The following VWA8 variants were observed in gnomAD, a reference collection of about 807,000 sequenced individuals.
The protein encoded by VWA8 is von Willebrand factor A domain containing 8.
In VWA8, 221 loss-of-function variants were observed where a neutral mutation model predicts 241.5. The ratio of observed to expected loss-of-function variants is 0.91; its 90% CI spans 0.82 to 1.02. The LOEUF (loss-of-function observed/expected upper bound fraction) is 1.02. Among genes scored for constraint, VWA8 ranks in the 50% least tolerant of loss-of-function variants. The pLI, the probability that VWA8 is intolerant of heterozygous loss-of-function variation, is 0.00. For missense variants in VWA8, 2,322 were observed against 2,328.7 expected, an observed-to-expected ratio of 1.00 and a Z score of 0.06; for synonymous variants, 852 against 827.1, an observed-to-expected ratio of 1.03 and a Z score of -0.52.
rs747772581 is a variant in VWA8, at chr13:41,570,254, ATAAT to A, written c.5609+210_5609+213del. Among the ~76,000 whole-genome samples, 132 of 152,340 alleles carry A rather than the reference ATAAT, an allele frequency of 8.7e-4. 1 individual carries two copies. Among genetic ancestry groups the A allele is most frequent in the Middle Eastern group, 3.4e-3 (1 of 294 alleles). On this transcript the variant is annotated intron_variant, in intron 44 of 44. Coordinates refer to ENST00000379310, the MANE Select transcript of VWA8 (RefSeq NM_015058.2). Reference sequence around the variant, plus strand: ...TAGTGGCTTAAATATAAACTAAAAAATAATTAATTTAAAATTATTATTGTTCATC... The same window carrying A: ...TAGTGGCTTAAATATAAACTAAAAAATAATTTAAAATTATTATTGTTCATC...
At chr13:41,774,686 T>A (rs946388517) in intron 20 of VWA8, among the ~76,000 whole-genome samples, 2 of 152,162 alleles carry the variant, frequency 1.3e-5, no homozygotes, top group African/African-American at 4.8e-5. Flanking sequence ...AAGCACTTTA[T>A]TAAAGAAGCA....
At chr13:41,606,258 G>A (rs2044553194) in intron 39 of VWA8, among the ~76,000 whole-genome samples, 1 of 152,018 alleles carries the variant, frequency 6.6e-6, no homozygotes, top group Non-Finnish European at 1.5e-5. Context: ...TATCTTTACA[G>A]TGCCTAGCAT....
intron 29 of VWA8, among the ~76,000 whole-genome samples, chr13:41,697,665 A>G (rs528289943): frequency 1.3e-5 from 2 of 152,304 alleles, no homozygotes; most frequent in South Asian, 4.1e-4. Flanking sequence ...ATGAAAATGT[A>G]ATGCTGTGGC....
At chr13:41,692,186 G>A (rs564279630) in intron 30 of VWA8, among the ~76,000 whole-genome samples, 76 of 151,830 alleles carry the variant, frequency 5.0e-4, no homozygotes, top group South Asian at 1.2e-3. Context: ...ACCAAACATT[G>A]TTAAGAAATA....
chr13:41,948,383 GAA>G (rs1877961866), intron 2 of VWA8, among the ~76,000 whole-genome samples: 2 of 152,224 alleles, frequency 1.3e-5, no homozygotes, highest in South Asian at 4.1e-4. Flanking sequence ...AAGAAAATGG[GAA>G]ATAACTATTA....
chr13:41,886,728 A>G lies in VWA8; in HGVS notation c.866+53T>C, dbSNP rs756405257. Reference sequence around the variant, plus strand: ...TTAATTAATCAATCAATCAATGAACAGGCAAAACAAATTCAATATTCAGTG... The same window carrying G: ...TTAATTAATCAATCAATCAATGAACGGGCAAAACAAATTCAATATTCAGTG... On this transcript the variant is annotated intron_variant, in intron 7 of 44. Coordinates refer to ENST00000379310, the MANE Select transcript of VWA8 (RefSeq NM_015058.2). The G allele has an allele frequency of 1.4e-5, 20 of 1,415,222 alleles. No homozygotes were observed. The Middle Eastern group carries it at 7.0e-4, about 50-fold the overall frequency. The allele number at this position is 1,415,222 out of a possible 1,614,324, so 87.7% of individuals were successfully genotyped here.
intron 2 of VWA8, among the ~76,000 whole-genome samples, chr13:41,919,001 T>A (rs1483543246): frequency 2.0e-5 from 3 of 152,096 alleles, no homozygotes; most frequent in African/African-American, 7.2e-5. Flanking sequence ...CATTGCTAAG[T>A]GGTATCAGTA....
chr13:41,811,075 A>C, intron 17 of VWA8, 150 bp downstream of exon 17: 2 of 561,440 alleles, frequency 3.6e-6, no homozygotes, highest in Non-Finnish European at 6.1e-6. Flanking sequence ...GTATTAAATA[A>C]GTTCTAATCA....
rs772522331 is a variant in VWA8, at chr13:41,784,729, T to TATATATATACAC, written c.2171-829_2171-828insGTGTATATATAT. Reference sequence around the variant, plus strand: ...ATATATATATATATATATATATATATACACACACATATATATATATATATA... The same window carrying TATATATATACAC: ...ATATATATATATATATATATATATATATATATATACACACACACACATATATATATATATATA... On this transcript the variant is annotated intron_variant, in intron 18 of 44. Coordinates refer to ENST00000379310, the MANE Select transcript of VWA8 (RefSeq NM_015058.2). 5.8e-4 allele frequency among the ~76,000 whole-genome samples: 35 copies of TATATATATACAC among 60,060 alleles called. 1 individual carries two copies. The highest frequency in any genetic ancestry group is 1.5e-3 in the African/African-American group (27 of 17,918). The allele number at this position is 60,060 out of a possible 152,430, so 39.4% of individuals were successfully genotyped here.
At chr13:41,676,075 C>T (rs1431393469) in intron 35 of VWA8, among the ~76,000 whole-genome samples, 1 of 152,018 alleles carries the variant, frequency 6.6e-6, no homozygotes, top group Non-Finnish European at 1.5e-5. Context: ...TCCTGAAAAT[C>T]ACAATCACAG....
intron 2 of VWA8, chr13:41,925,812 C>A: frequency 3.7e-6 from 1 of 267,244 alleles, no homozygotes; most frequent in Non-Finnish European, 7.7e-6. Flanking sequence ...GAGCCTGGAC[C>A]CAAATCAACA....
At chr13:41,780,228 C>T (rs1053913772) in intron 19 of VWA8, among the ~76,000 whole-genome samples, 3 of 152,150 alleles carry the variant, frequency 2.0e-5, no homozygotes, top group Non-Finnish European at 4.4e-5. Context: ...TCTGACCCTG[C>T]TCTCCTTAAA....
intron 2 of VWA8, among the ~76,000 whole-genome samples, chr13:41,922,356 T>C (rs1049046848): frequency 2.6e-5 from 4 of 152,172 alleles, no homozygotes; most frequent in Admixed American, 6.5e-5. Context: ...GGCAATACCA[T>C]TCAGGACATA....
At chr13:41,920,072 T>G (rs1876441783) in intron 2 of VWA8, among the ~76,000 whole-genome samples, 2 of 152,206 alleles carry the variant, frequency 1.3e-5, no homozygotes, top group Admixed American at 1.3e-4. Context: ...GGGCCGTATC[T>G]GTGCCTTGCC....
At chr13:41,740,038 G>A (rs2045557640) in intron 21 of VWA8, among the ~76,000 whole-genome samples, 2 of 151,662 alleles carry the variant, frequency 1.3e-5, no homozygotes, top group African/African-American at 4.8e-5. Context: ...GTGTTTTTTA[G>A]TAGAGACGGG....
At chr13:41,687,840 T>A (rs778762783) in intron 34 of VWA8, among the ~76,000 whole-genome samples, 44 of 152,130 alleles carry the variant, frequency 2.9e-4, no homozygotes, top group Non-Finnish European at 5.3e-4. Context: ...GGGATATAGC[T>A]TTTAATTTAA....
intron 42 of VWA8, among the ~76,000 whole-genome samples, chr13:41,580,188 C>T (rs2044373996): frequency 6.6e-6 from 1 of 152,096 alleles, no homozygotes; most frequent in Non-Finnish European, 1.5e-5. Context: ...AACTACTTCC[C>T]CAGCTACGCT....
intron 2 of VWA8, among the ~76,000 whole-genome samples, chr13:41,922,819 A>G (rs1036728595): frequency 3.9e-5 from 6 of 152,204 alleles, no homozygotes; most frequent in Admixed American, 2.0e-4. Flanking sequence ...AAATAGGAAT[A>G]CTTTTACACT....
intron 4 of VWA8, among the ~76,000 whole-genome samples, chr13:41,895,644 A>G (rs1020484708): frequency 7.9e-5 from 12 of 152,144 alleles, no homozygotes; most frequent in Admixed American, 7.9e-4. Flanking sequence ...GCCTAAAAAT[A>G]TCTGAAAAGA....
Sources: allele counts gnomAD v4.1 joint callset (sites outside exome capture counted in the v4.1 genomes callset), GRCh38; gene constraint gnomAD v4.1.1; transcripts MANE v1.5; gene names NCBI Gene and HGNC (gene_info 2026-07-23, HGNC 2026-07-21).